The following AOPEP variants were observed in gnomAD, a reference collection of about 807,000 sequenced individuals.
AOPEP encodes the protein aminopeptidase O.
In AOPEP, 77 loss-of-function variants were observed where a neutral mutation model predicts 98.1. That is an observed-to-expected ratio of 0.78 (90% CI 0.65 to 0.95). The LOEUF (loss-of-function observed/expected upper bound fraction) is 0.95. Among genes scored for constraint, AOPEP ranks in the 40% least tolerant of loss-of-function variants. AOPEP has a pLI of 0.00. For missense variants in AOPEP, 1,024 were observed against 1,024.7 expected (o/e 1.00, Z 0.01); for synonymous variants, 346 against 365.3 (o/e 0.95, Z 0.60).
chr9:94,760,742 C>A (rs1838076260), intron 2 of AOPEP, 162 bp downstream of exon 2: 11 of 529,138 alleles, frequency 2.1e-5, no homozygotes, highest in Non-Finnish European at 3.5e-5. Context: ...AGGTAAATTC[C>A]CAGGCATGCT....
chr9:95,005,402 TC>T, intron 12 of AOPEP, 139 bp from the exon 13 acceptor site: 1 of 941,186 alleles, frequency 1.1e-6, no homozygotes, highest in South Asian at 1.5e-5. Context: ...CCCGGCGAGT[TC>T]CGCGGGCGGG....
chr9:94,954,579 A>C (rs1217501495), intron 7 of AOPEP, among the ~76,000 whole-genome samples: 1 of 152,164 alleles, frequency 6.6e-6, no homozygotes, highest in Non-Finnish European at 1.5e-5. Context: ...GGTTGGACAA[A>C]CTTACTGTAG....
chr9:95,118,796 A>T, the AOPEP span, among the ~76,000 whole-genome samples: 1 of 152,210 alleles, frequency 6.6e-6, no homozygotes, highest in Non-Finnish European at 1.5e-5. Context: ...AATATGCCAT[A>T]GTCTGTTTAG....
chr9:94,928,159 G>A (rs557282938), intron 6 of AOPEP, among the ~76,000 whole-genome samples: 8 of 152,284 alleles, frequency 5.3e-5, no homozygotes, highest in South Asian at 4.2e-4. Flanking sequence ...GGTGTGTGTC[G>A]GTGGGATGGG....
chr9:95,007,582 T>C (rs1329194803), intron 13 of AOPEP, among the ~76,000 whole-genome samples: 1 of 152,206 alleles, frequency 6.6e-6, no homozygotes, highest in African/African-American at 2.4e-5. Context: ...AGAACTTCCT[T>C]TCATGGATTG....
chr9:95,014,831 A>G (rs549081853), intron 13 of AOPEP, among the ~76,000 whole-genome samples: 49 of 152,306 alleles, frequency 3.2e-4, no homozygotes, highest in South Asian at 6.2e-4. Flanking sequence ...AAAGTAGTCT[A>G]TTTTTCAGAT....
At position 94,750,442 on chromosome 9, in the gene AOPEP, G is replaced by A. The variant is rs1335226568; in HGVS notation, c.-135-9207G>A. Among the ~76,000 whole-genome samples the A allele has an allele frequency of 3.9e-5, 6 of 151,988 alleles. No individual in the cohort carries two copies. In the East Asian group the frequency reaches 5.9e-4, roughly 15 times the overall value. On this transcript the variant is annotated intron_variant, in intron 1 of 16. Coordinates refer to ENST00000375315, the MANE Select transcript of AOPEP (RefSeq NM_001193329.3). Reference sequence around the variant, plus strand: ...CTACTAAAAATACAAAAAATTAGCCGGGCGTGGTGGCGGGCACCTGTAGTC... The same window carrying A: ...CTACTAAAAATACAAAAAATTAGCCAGGCGTGGTGGCGGGCACCTGTAGTC...
At chr9:94,856,006 G>A (rs1237474369) in intron 5 of AOPEP, among the ~76,000 whole-genome samples, 2 of 152,222 alleles carry the variant, frequency 1.3e-5, no homozygotes, top group East Asian at 3.9e-4. Context: ...TCTTGCCTGG[G>A]GTTGCTCACA....
intron 11 of AOPEP, among the ~76,000 whole-genome samples, chr9:95,002,024 C>T (rs1053166339): frequency 6.6e-6 from 1 of 151,916 alleles, no homozygotes; most frequent in African/African-American, 2.4e-5. Context: ...AGAGATCCTC[C>T]CACCCCGGCC....
At chr9:95,127,010 C>T in the AOPEP span, 1 of 229,690 alleles carries the variant, frequency 4.4e-6, no homozygotes, top group Non-Finnish European at 8.7e-6. Flanking sequence ...CCTGTTTATT[C>T]GGTAATGGGT....
chr9:94,803,970 GTATGAAGA>G (rs754261125), intron 5 of AOPEP, among the ~76,000 whole-genome samples: 1 of 152,204 alleles, frequency 6.6e-6, no homozygotes, highest in Non-Finnish European at 1.5e-5. Context: ...TATGATGTCT[GTATGAAGA>G]TATGCATGCA....
chr9:94,999,784 G>A (rs2061444962), intron 11 of AOPEP, among the ~76,000 whole-genome samples: 1 of 138,744 alleles, frequency 7.2e-6, no homozygotes, highest in Admixed American at 6.9e-5. Context: ...GACAATTGGG[G>A]TGTGTGTGTG....
At chr9:94,962,677 T>G (rs1434376497) in intron 9 of AOPEP, among the ~76,000 whole-genome samples, 1 of 152,122 alleles carries the variant, frequency 6.6e-6, no homozygotes, top group African/African-American at 2.4e-5. Flanking sequence ...AGTTTACATC[T>G]TAATCCTTTC....
At chr9:94,739,243 C>T (rs767823560) in intron 1 of AOPEP, among the ~76,000 whole-genome samples, 2 of 152,184 alleles carry the variant, frequency 1.3e-5, no homozygotes, top group Non-Finnish European at 2.9e-5. Context: ...CCTTGTTGTC[C>T]TGGTGGTTGT....
intron 3 of AOPEP, among the ~76,000 whole-genome samples, chr9:94,792,126 C>T (rs1010607298): frequency 9.2e-5 from 14 of 152,190 alleles, no homozygotes; most frequent in African/African-American, 9.7e-5. Context: ...TCCTTGGCTC[C>T]GTTAAACCTC....
At chr9:94,835,066 C>A (rs903469823) in intron 5 of AOPEP, among the ~76,000 whole-genome samples, 1 of 152,000 alleles carries the variant, frequency 6.6e-6, no homozygotes, top group Non-Finnish European at 1.5e-5. Flanking sequence ...TCGAAGTAGA[C>A]CCACACATGT....
At chr9:94,950,409 C>T (rs2137818095) in intron 7 of AOPEP, among the ~76,000 whole-genome samples, 1 of 152,256 alleles carries the variant, frequency 6.6e-6, no homozygotes, top group East Asian at 1.9e-4. Context: ...GATGAGGGAG[C>T]CGGACTGCAT....
At chr9:95,078,787 C>T (rs1266647906) in intron 14 of AOPEP, among the ~76,000 whole-genome samples, 1 of 152,190 alleles carries the variant, frequency 6.6e-6, no homozygotes, top group East Asian at 1.9e-4. Flanking sequence ...ATTTAGGTGG[C>T]TGTGAGTTGG....
chr9:94,899,219 C>G (rs147651467), intron 5 of AOPEP, among the ~76,000 whole-genome samples: 3,150 of 102,328 alleles, frequency 0.031, 130 homozygotes, highest in African/African-American at 0.095. Flanking sequence ...GAGTCTTGCT[C>G]TGTTGCCCAG....
Sources: gnomAD v4.1 joint callset for allele counts (sites outside exome capture counted in the v4.1 genomes callset) on GRCh38, gnomAD v4.1.1 for gene constraint, MANE v1.5 for transcripts, NCBI Gene and HGNC (gene_info 2026-07-23, HGNC 2026-07-21) for gene names.